The following NRG3 variants were observed in gnomAD, a reference collection of about 807,000 sequenced individuals.
NRG3 encodes neuregulin 3.
Under a neutral mutation model 66.9 loss-of-function variants are expected in NRG3, and 31 were observed. The ratio of observed to expected loss-of-function variants is 0.46; its 90% CI spans 0.35 to 0.63. NRG3 has a LOEUF of 0.63. Among genes scored for constraint, NRG3 ranks in the 20% least tolerant of loss-of-function variants. The pLI is 0.00. For missense variants in NRG3, 910 were observed against 878.9 expected (o/e 1.04, Z -0.45); for synonymous variants, 393 against 359.4 (o/e 1.09, Z -1.06).
chr10:82,544,380 G>C (rs2043752277), intron 2 of NRG3, among the ~76,000 whole-genome samples: 1 of 152,092 alleles, frequency 6.6e-6, no homozygotes, highest in Middle Eastern at 3.2e-3. Context: ...TAATGCAGTA[G>C]AGTGATTGCA....
At chr10:82,269,976 C>T (rs1441610466) in intron 1 of NRG3, among the ~76,000 whole-genome samples, 3 of 152,142 alleles carry the variant, frequency 2.0e-5, no homozygotes, top group African/African-American at 7.2e-5. Flanking sequence ...TCTGATTCCT[C>T]TTCTGTAAAA....
chr10:82,598,549 G>T (rs999220191), intron 2 of NRG3, among the ~76,000 whole-genome samples: 1 of 152,202 alleles, frequency 6.6e-6, no homozygotes, highest in Non-Finnish European at 1.5e-5. Context: ...AGTAGCAAGA[G>T]AACCAAGCAA....
intron 1 of NRG3, among the ~76,000 whole-genome samples, chr10:82,041,567 A>G (rs2063036449): frequency 1.3e-5 from 2 of 152,008 alleles, no homozygotes; most frequent in African/African-American, 4.8e-5. Flanking sequence ...TAAGCTACAA[A>G]GTCTCCAAAA....
At chr10:82,607,486 ACTT>A (rs2048038701) in intron 2 of NRG3, among the ~76,000 whole-genome samples, 1 of 152,042 alleles carries the variant, frequency 6.6e-6, no homozygotes, top group African/African-American at 2.4e-5. Context: ...TATTAAGTGG[ACTT>A]CTTATAGACA....
chr10:82,057,969 CTTTCT>C (rs1177406365), intron 1 of NRG3, among the ~76,000 whole-genome samples: 2 of 32,984 alleles, frequency 6.1e-5, no homozygotes, highest in Admixed American at 2.1e-4. Context: ...TCTTTCTTTC[CTTTCT>C]TTTTTTTTTT....
At chr10:82,381,709 T>A (rs1361132113) in intron 2 of NRG3, among the ~76,000 whole-genome samples, 1 of 152,188 alleles carries the variant, frequency 6.6e-6, no homozygotes, top group Non-Finnish European at 1.5e-5. Flanking sequence ...GGAGACTTTA[T>A]CACACTAAAT....
chr10:82,287,024 A>G (rs759366872), intron 1 of NRG3, among the ~76,000 whole-genome samples: 17 of 152,224 alleles, frequency 1.1e-4, no homozygotes, highest in Admixed American at 2.6e-4. Context: ...AAGTACTGTT[A>G]TAGCAACAGA....
chr10:82,479,078 AT>A (rs1179522571), intron 2 of NRG3, among the ~76,000 whole-genome samples: 1 of 152,192 alleles, frequency 6.6e-6, no homozygotes, highest in African/African-American at 2.4e-5. Flanking sequence ...CATGACTAAC[AT>A]TTTTAGAGAA....
chr10:82,574,387 T>C (rs999178307), intron 2 of NRG3, among the ~76,000 whole-genome samples: 5 of 151,694 alleles, frequency 3.3e-5, no homozygotes, highest in African/African-American at 1.2e-4. Flanking sequence ...CTGGGAAGCA[T>C]AGGGCAGAAG....
intron 2 of NRG3, among the ~76,000 whole-genome samples, chr10:82,657,822 T>G (rs2051995088): frequency 6.6e-6 from 1 of 151,680 alleles, no homozygotes; most frequent in African/African-American, 2.4e-5. Context: ...CTAGAGTTCG[T>G]TCATGAAAAA....
At position 82,192,933 on chromosome 10, in the gene NRG3, AG is replaced by A. The variant is rs2074238328; in HGVS notation, c.824-165804del. Among the ~76,000 whole-genome samples, 10 of 151,808 alleles carry A rather than the reference AG, an allele frequency of 6.6e-5. No individual in the cohort carries two copies. The South Asian group carries it at 2.1e-3, about 32-fold the overall frequency. On this transcript the variant is annotated intron_variant, in intron 1 of 8. Coordinates refer to ENST00000372141, the MANE Select transcript of NRG3 (RefSeq NM_001010848.4). ...ATATTCAGCTTGAGATGATAAAATG[AG>A]GTAGGTTGTTCAAGTGGGGGTGGAA... is the stretch of plus-strand genomic sequence containing the variant.
intron 1 of NRG3, among the ~76,000 whole-genome samples, chr10:81,957,446 GC>G (rs1166276782): frequency 7.8e-4 from 118 of 152,188 alleles, no homozygotes; most frequent in African/African-American, 2.7e-3. Flanking sequence ...AATAGTCAGT[GC>G]TCCCACCCCC....
intron 1 of NRG3, among the ~76,000 whole-genome samples, chr10:81,881,033 T>C (rs1269864685): frequency 1.3e-5 from 2 of 152,182 alleles, no homozygotes; most frequent in Non-Finnish European, 2.9e-5. Flanking sequence ...TTCCTCTTCA[T>C]GCAATTATAA....
intron 6 of NRG3, among the ~76,000 whole-genome samples, chr10:82,959,918 T>A (rs181821363): frequency 2.0e-5 from 3 of 152,306 alleles, no homozygotes; most frequent in Admixed American, 1.3e-4. Flanking sequence ...TATATTCCTC[T>A]TAGGTTAGCA....
intron 3 of NRG3, among the ~76,000 whole-genome samples, chr10:82,766,802 G>T (rs1246398795): frequency 6.6e-6 from 1 of 151,518 alleles, no homozygotes; most frequent in Non-Finnish European, 1.5e-5. Context: ...ATTAAATGAA[G>T]ATATTAGCAT....
rs1161399599 is a variant in NRG3 at position 82,902,460 on chromosome 10, G to A, written c.1054+37023G>A. 2.6e-5 allele frequency among the ~76,000 whole-genome samples: 4 copies of A among 152,044 alleles called. No individual in the cohort carries two copies. The South Asian group carries it at 6.3e-4, about 24-fold the overall frequency. ...AGGGGTCTTTTGTCTCAGTCAAGGG[G>A]TCTTTTTTTATGTCAGGGCCACGTG... On this transcript the variant is annotated intron_variant, in intron 4 of 8. Transcript: ENST00000372141.
chr10:82,526,463 T>G (rs1263562153), intron 2 of NRG3, among the ~76,000 whole-genome samples: 1 of 151,888 alleles, frequency 6.6e-6, no homozygotes, highest in Non-Finnish European at 1.5e-5. Context: ...AGATTGAACA[T>G]GTATATTCTG....
intron 1 of NRG3, among the ~76,000 whole-genome samples, chr10:82,272,519 A>T (rs2078649982): frequency 6.6e-6 from 1 of 152,034 alleles, no homozygotes. Context: ...TAACCTTATA[A>T]AGAATTTGGT....
intron 2 of NRG3, among the ~76,000 whole-genome samples, chr10:82,385,187 G>GT (rs2085899791): frequency 6.6e-6 from 1 of 151,964 alleles, no homozygotes; most frequent in South Asian, 2.1e-4. Context: ...AATTTGTTAA[G>GT]TTTTTTATAG....
Sources: allele counts gnomAD v4.1 joint callset (sites outside exome capture counted in the v4.1 genomes callset), GRCh38; gene constraint gnomAD v4.1.1; transcripts MANE v1.5; gene names NCBI Gene and HGNC (gene_info 2026-07-23, HGNC 2026-07-21).